The following TAX1BP1 variants were observed in gnomAD, a reference collection of about 807,000 sequenced individuals.
TAX1BP1 encodes tax1-binding protein 1.
A neutral mutation model predicts 97.7 loss-of-function variants in TAX1BP1; 62 were observed. The observed-to-expected ratio is 0.63, with a 90% CI of 0.52 to 0.78. The LOEUF is 0.78. Ranked by LOEUF, TAX1BP1 falls within the 30% of genes least tolerant of loss-of-function variation. The pLI, the probability that TAX1BP1 is intolerant of heterozygous loss-of-function variation, is 0.00. For synonymous variants in TAX1BP1, 340 were observed against 304.2 expected (o/e 1.12, Z -1.23); for missense variants, 867 against 916.1 (o/e 0.95, Z 0.69).
In TAX1BP1 at chr7:27,793,217, G is replaced by A; in HGVS notation, c.1410+5G>A. ...AACAAACTTTCAGATCAATCAGTAA[G>A]TATCATTAAATTTACACATAGTAAA... On this transcript the variant is annotated splice_donor_5th_base_variant and intron_variant, in intron 10 of 16. Coordinates refer to ENST00000396319, the MANE Select transcript of TAX1BP1 (RefSeq NM_006024.7). 6.4e-7 allele frequency: 1 copy of A among 1,565,850 alleles called. No homozygotes were observed.
chr7:27,745,710 A>G (rs1787789688), intron 1 of TAX1BP1, among the ~76,000 whole-genome samples: 1 of 151,408 alleles, frequency 6.6e-6, no homozygotes, highest in Admixed American at 6.6e-5. Context: ...AGTGTTTTCT[A>G]TTAGAAAATG....
At position 27,804,976 on chromosome 7, in the gene TAX1BP1, G is replaced by T. The variant is rs151207695; in HGVS notation, c.1764+4886G>T. ...AATATTTTACAAATAATACTGCAATGAATGATTCTATGCACATGTAGTTTT... is the reference window on the plus strand; with the variant it reads ...AATATTTTACAAATAATACTGCAATTAATGATTCTATGCACATGTAGTTTT... On this transcript the variant is annotated intron_variant, in intron 13 of 16. Transcript: ENST00000396319. Among the ~76,000 whole-genome samples the T allele has an allele frequency of 1.8e-4, 28 of 152,280 alleles. No homozygotes were observed. The East Asian group carries it at 5.4e-3, about 29-fold the overall frequency.
intron 7 of TAX1BP1, among the ~76,000 whole-genome samples, chr7:27,786,561 A>C (rs561473426): frequency 2.3e-4 from 35 of 152,286 alleles, no homozygotes; most frequent in African/African-American, 7.9e-4. Context: ...CAGATGAGGA[A>C]TTTCAAGAAC....
rs747175821 is a variant in TAX1BP1 at position 27,785,417 on chromosome 7, G to A, written c.780G>A (p.Lys260=). 5.6e-6 allele frequency: 9 copies of A among 1,612,984 alleles called. No individual in the cohort carries two copies. In the Admixed American group the frequency reaches 6.7e-5, roughly 12 times the overall value. Residue 260 remains lysine (K), a synonymous_variant, in exon 7 of 17, where the codon AAG becomes AAA. Coordinates refer to ENST00000396319, the MANE Select transcript of TAX1BP1 (RefSeq NM_006024.7). Reference sequence around the variant, plus strand: ...ATCTTAGTTTAAAGGACAAACTCAAGAAGGCACAACATGAAAGAGAACAAC... The same window carrying A: ...ATCTTAGTTTAAAGGACAAACTCAAAAAGGCACAACATGAAAGAGAACAAC... ...TELDSLKDKL[K]KAQHEREQLE... is the part of the protein sequence containing the mutation.
At chr7:27,750,590 A>G (rs1403702408) in intron 2 of TAX1BP1, among the ~76,000 whole-genome samples, 2 of 152,216 alleles carry the variant, frequency 1.3e-5, no homozygotes, top group African/African-American at 2.4e-5. Flanking sequence ...CATTCTGTCT[A>G]TGGACGACCT....
chr7:27,775,856 G>T lies in TAX1BP1; in HGVS notation c.612+6022G>T, dbSNP rs1002073142. The stretch of plus-strand genomic sequence containing the variant: ...AGTCCGTTCTGGTGGGCTTCATCTG[G>T]TGATTGTGGATCCTATTTTGTTCTT... On this transcript the variant is annotated intron_variant, in intron 5 of 16. Transcript: ENST00000396319. 2.0e-5 allele frequency among the ~76,000 whole-genome samples: 3 copies of T among 152,114 alleles called. No homozygotes were observed. The South Asian group carries it at 6.2e-4, about 32-fold the overall frequency.
At chr7:27,816,759 G>A in intron 14 of TAX1BP1, 131 bp from the exon 15 acceptor site, 1 of 1,205,242 alleles carries the variant, frequency 8.3e-7, no homozygotes, top group Non-Finnish European at 1.1e-6. Context: ...AATCACCTGG[G>A]TTAAAAATAA....
intron 15 of TAX1BP1, among the ~76,000 whole-genome samples, chr7:27,818,729 C>A (rs902698446): frequency 2.0e-5 from 3 of 152,092 alleles, no homozygotes; most frequent in African/African-American, 7.2e-5. Context: ...ATTTCTATAC[C>A]CCTCTTTGCC....
intron 5 of TAX1BP1, among the ~76,000 whole-genome samples, chr7:27,784,415 T>A (rs1789387770): frequency 6.6e-6 from 1 of 152,202 alleles, no homozygotes; most frequent in South Asian, 2.1e-4. Context: ...ACTTACTACC[T>A]CTTTTATATT....
intron 15 of TAX1BP1, among the ~76,000 whole-genome samples, chr7:27,818,618 A>G (rs558400638): frequency 1.3e-5 from 2 of 152,278 alleles, no homozygotes; most frequent in South Asian, 4.1e-4. Flanking sequence ...TCTCTTCTGC[A>G]CCAGAAACTG....
chr7:27,757,483 A>C (rs1788265125), intron 2 of TAX1BP1, among the ~76,000 whole-genome samples: 1 of 152,116 alleles, frequency 6.6e-6, no homozygotes, highest in Admixed American at 6.5e-5. Context: ...AGTAAAACAA[A>C]TAAAACACTT....
In TAX1BP1 at chr7:27,769,704, A is replaced by T. The variant is rs771521683; in HGVS notation, c.482A>T (p.Lys161Ile). ...AAAATTGAGAAAACCATGAAAGAAA[A>T]AGAAGAACTGTTAAAGTTAATTGCC... ...ELKIEKTMKEKEELLKLIAVL... is the reference protein window; with the variant it reads ...ELKIEKTMKEIEELLKLIAVL... Residue 161 changes from lysine to isoleucine, a missense_variant, in exon 5 of 17, where the codon AAA becomes ATA. Coordinates refer to ENST00000396319, the MANE Select transcript of TAX1BP1 (RefSeq NM_006024.7). 1 of 1,609,282 alleles carries T rather than the reference A, an allele frequency of 6.2e-7. No individual in the cohort carries two copies. Among genetic ancestry groups the T allele is most frequent in the South Asian group, 1.1e-5 (1 of 89,368 alleles).
Position 27,792,066 on chromosome 7 carries a change from C to T in TAX1BP1, c.1099C>T (p.Arg367Trp), listed in dbSNP as rs1340986407. 8 of 1,614,056 alleles carry T rather than the reference C, an allele frequency of 5.0e-6. No homozygotes were observed. Among genetic ancestry groups the T allele is most frequent in the South Asian group, 1.1e-5 (1 of 91,082 alleles). ...AGCAGAGGAACAGGTTCAGGCAACT[C>T]GGCAAGAAGTTGTCTTTCTGGCTAA... ...RKAEEQVQAT[R>W]QEVVFLAKEL... The change falls in exon 9 of 17, where the codon CGG becomes TGG. Residue 367 changes from arginine (R) to tryptophan (W), a missense_variant. Coordinates refer to ENST00000396319, the MANE Select transcript of TAX1BP1 (RefSeq NM_006024.7).
intron 5 of TAX1BP1, among the ~76,000 whole-genome samples, chr7:27,772,777 G>T (rs1435277824): frequency 6.6e-6 from 1 of 151,858 alleles, no homozygotes; most frequent in Non-Finnish European, 1.5e-5. Context: ...TATGAAATTG[G>T]CTGCTTGAAG....
At chr7:27,827,955 C>CA in intron 16 of TAX1BP1, 135 bp downstream of exon 16, 1 of 645,288 alleles carries the variant, frequency 1.5e-6, no homozygotes, top group East Asian at 2.7e-5. Context: ...GGCGTAGGCC[C>CA]AGCAATATGT....
intron 5 of TAX1BP1, among the ~76,000 whole-genome samples, chr7:27,770,460 A>G (rs73078778): frequency 0.077 from 11,735 of 152,188 alleles, 654 homozygotes; most frequent in Middle Eastern, 0.12. Context: ...TATTTTCACA[A>G]GAAAAGCAGT....
intron 13 of TAX1BP1, 122 bp from the exon 14 acceptor site, chr7:27,816,227 G>A: frequency 1.3e-6 from 1 of 771,020 alleles, no homozygotes. Flanking sequence ...GTTTCCAATT[G>A]CATTCCAACT....
intron 13 of TAX1BP1, among the ~76,000 whole-genome samples, chr7:27,808,996 G>C (rs1439450757): frequency 6.6e-6 from 1 of 152,084 alleles, no homozygotes; most frequent in African/African-American, 2.4e-5. Context: ...AATGAATAGA[G>C]CAAAATGTGT....
intron 5 of TAX1BP1, among the ~76,000 whole-genome samples, chr7:27,773,115 C>T (rs1465265678): frequency 6.6e-6 from 1 of 151,994 alleles, no homozygotes; most frequent in African/African-American, 2.4e-5. Context: ...TAAGCAGTAT[C>T]GTCTGCATTT....
Sources: allele counts gnomAD v4.1 joint callset (sites outside exome capture counted in the v4.1 genomes callset), GRCh38; gene constraint gnomAD v4.1.1; transcripts MANE v1.5; gene names NCBI Gene and HGNC (gene_info 2026-07-23, HGNC 2026-07-21).